Variants in GBE1 observed in about 807,000 individuals in gnomAD.
GBE1 encodes the protein 1,4-alpha-glucan-branching enzyme.
A neutral mutation model predicts 88.8 loss-of-function variants in GBE1; 70 were observed. That is an observed-to-expected ratio of 0.79 (90% CI 0.65 to 0.96). The LOEUF is 0.96. GBE1 is among the 40% of genes least tolerant of loss of function. The pLI, the probability that GBE1 is intolerant of heterozygous loss-of-function variation, is 0.00. For synonymous variants in GBE1, 284 were observed against 300.1 expected (o/e 0.95, Z 0.56); for missense variants, 872 against 871.0 (o/e 1.00, Z -0.01).
At chr3:81,544,987 A>T (rs868771752) in intron 12 of GBE1, among the ~76,000 whole-genome samples, 20 of 152,272 alleles carry the variant, frequency 1.3e-4, no homozygotes, top group Middle Eastern at 6.8e-3. Flanking sequence ...GATTTTACAT[A>T]ATTTGTTATT....
intron 12 of GBE1, among the ~76,000 whole-genome samples, chr3:81,538,203 C>T (rs544462208): frequency 4.9e-4 from 75 of 151,836 alleles, no homozygotes; most frequent in Non-Finnish European, 5.9e-4. Context: ...CCAATACAAA[C>T]GTATCCTACT....
chr3:81,717,955 TTTTATTTATTTATTTATTTA>T lies in GBE1; in HGVS notation c.144-12362_144-12343del, dbSNP rs57810073. Among the ~76,000 whole-genome samples, 1,227 of 147,066 alleles carry T rather than the reference TTTTATTTATTTATTTATTTA, an allele frequency of 8.3e-3. 11 individuals carry two copies. The highest frequency in any genetic ancestry group is 0.014 in the Middle Eastern group (4 of 290). ...AATATAAAAGACACAGGAAATTTTA[TTTTATTTATTTATTTATTTA>T]TTTATTTATTTATTTATTTATTGAG... On this transcript the variant is annotated intron_variant, in intron 1 of 15. Transcript: ENST00000429644.
chr3:81,655,985 T>C (rs181532605), intron 3 of GBE1, among the ~76,000 whole-genome samples: 1 of 152,348 alleles, frequency 6.6e-6, no homozygotes, highest in Non-Finnish European at 1.5e-5. Context: ...ATCCTTGTTT[T>C]TGTTTTGTTT....
intron 7 of GBE1, among the ~76,000 whole-genome samples, chr3:81,614,258 G>C (rs1704219310): frequency 6.6e-6 from 1 of 152,054 alleles, no homozygotes. Context: ...CTATAAATTT[G>C]GTGTGTGTCC....
chr3:81,532,788 C>T (rs909606012), intron 14 of GBE1, among the ~76,000 whole-genome samples: 1 of 151,996 alleles, frequency 6.6e-6, no homozygotes, highest in Non-Finnish European at 1.5e-5. Flanking sequence ...TCATCATTCT[C>T]CAATTAATCC....
chr3:81,527,314 G>A (rs965150733), intron 14 of GBE1, among the ~76,000 whole-genome samples: 30 of 152,142 alleles, frequency 2.0e-4, no homozygotes, highest in Non-Finnish European at 4.4e-4. Flanking sequence ...GCATGGGAAA[G>A]GACTTCATGT....
chr3:81,572,778 A>G (rs1477020215), intron 12 of GBE1, among the ~76,000 whole-genome samples: 1 of 152,182 alleles, frequency 6.6e-6, no homozygotes, highest in African/African-American at 2.4e-5. Context: ...TTTTCATATT[A>G]TATGGAATTA....
intron 7 of GBE1, among the ~76,000 whole-genome samples, chr3:81,637,961 A>G (rs147020636): frequency 3.3e-5 from 5 of 152,222 alleles, no homozygotes; most frequent in African/African-American, 1.2e-4. Context: ...CTAATTAACC[A>G]TAGAAAAGCC....
chr3:81,603,584 T>A (rs948066867), intron 7 of GBE1, among the ~76,000 whole-genome samples: 1 of 152,130 alleles, frequency 6.6e-6, no homozygotes, highest in East Asian at 1.9e-4. Flanking sequence ...AACCTCTGCC[T>A]CCCAGGTTCA....
At chr3:81,641,042 T>G (rs1413806031) in intron 7 of GBE1, among the ~76,000 whole-genome samples, 4 of 152,118 alleles carry the variant, frequency 2.6e-5, no homozygotes, top group African/African-American at 9.7e-5. Flanking sequence ...TGGCTAAGTT[T>G]AAATGCACTT....
intron 1 of GBE1, among the ~76,000 whole-genome samples, chr3:81,747,970 C>G (rs1365040333): frequency 6.6e-6 from 1 of 152,170 alleles, no homozygotes; most frequent in African/African-American, 2.4e-5. Flanking sequence ...GGTCTCTTCA[C>G]ACGGACGCGC....
At chr3:81,569,775 T>C (rs1296640661) in intron 12 of GBE1, among the ~76,000 whole-genome samples, 2 of 152,220 alleles carry the variant, frequency 1.3e-5, no homozygotes, top group Admixed American at 6.5e-5. Context: ...CATTGATTTC[T>C]AATAAAGAAA....
At chr3:81,598,938 T>C (rs1053589526) in intron 7 of GBE1, among the ~76,000 whole-genome samples, 10 of 152,230 alleles carry the variant, frequency 6.6e-5, no homozygotes, top group Non-Finnish European at 1.2e-4. Flanking sequence ...AATTAATATA[T>C]TGTTTAATCA....
intron 1 of GBE1, among the ~76,000 whole-genome samples, chr3:81,711,583 C>A (rs1312907481): frequency 6.6e-6 from 1 of 152,140 alleles, no homozygotes; most frequent in African/African-American, 2.4e-5. Context: ...CAGTACCATG[C>A]TGCTTTGGTT....
chr3:81,693,018 T>C (rs2107146760), intron 2 of GBE1, among the ~76,000 whole-genome samples: 1 of 152,308 alleles, frequency 6.6e-6, no homozygotes, highest in African/African-American at 2.4e-5. Flanking sequence ...CACTTTTTCA[T>C]TTAAAAGACT....
intron 2 of GBE1, among the ~76,000 whole-genome samples, chr3:81,690,946 A>C (rs1459363713): frequency 1.3e-5 from 2 of 152,130 alleles, no homozygotes; most frequent in African/African-American, 4.8e-5. Flanking sequence ...AACACAGTGA[A>C]CATACTAGAT....
chr3:81,545,636 G>GTGTC (rs1191122703), intron 12 of GBE1, among the ~76,000 whole-genome samples: 1 of 151,876 alleles, frequency 6.6e-6, no homozygotes, highest in African/African-American at 2.4e-5. Context: ...GTGTGTGTGT[G>GTGTC]TATGTGTGTG....
intron 12 of GBE1, among the ~76,000 whole-genome samples, chr3:81,561,220 G>A (rs1279104597): frequency 6.6e-6 from 1 of 151,980 alleles, no homozygotes; most frequent in African/African-American, 2.4e-5. Flanking sequence ...AAGTAGCTGT[G>A]TCAGTTTTGA....
chr3:81,738,202 G>A lies in GBE1; in HGVS notation c.143+23173C>T, dbSNP rs1474823839. Among the ~76,000 whole-genome samples the A allele has an allele frequency of 1.8e-4, 27 of 151,502 alleles. No homozygotes were observed. In the South Asian group the frequency reaches 2.7e-3, roughly 15 times the overall value. On this transcript the variant is annotated intron_variant, in intron 1 of 15. Transcript: ENST00000429644. The stretch of plus-strand genomic sequence containing the variant: ...AGTCTTTGCTACTGTGAATAGTGCC[G>A]CAATAAACATACGTGTGCATGTGTC...
Sources: gnomAD v4.1 joint callset for allele counts (sites outside exome capture counted in the v4.1 genomes callset) on GRCh38, gnomAD v4.1.1 for gene constraint, MANE v1.5 for transcripts, NCBI Gene and HGNC (gene_info 2026-07-23, HGNC 2026-07-21) for gene names.